Variants in KLRK1 observed in about 807,000 individuals in gnomAD.
KLRK1 encodes NKG2-D type II integral membrane protein.
Under a neutral mutation model 31.3 loss-of-function variants are expected in KLRK1, and 40 were observed. The ratio of observed to expected loss-of-function variants is 1.28; its 90% CI spans 0.99 to 1.67. The LOEUF (loss-of-function observed/expected upper bound fraction) is 1.67, where lower values mean the gene tolerates loss of function less well. Ranked by LOEUF, KLRK1 falls within the 40% of genes most tolerant of loss-of-function variation. KLRK1 has a pLI of 0.00. For synonymous variants in KLRK1, 77 were observed against 77.3 expected (o/e 1.00, Z 0.02); for missense variants, 251 against 260.0 (o/e 0.97, Z 0.24).
At chr12:10,389,024 C>A (rs1863223462) in intron 1 of KLRK1, 149 bp from the exon 2 acceptor site, 3 of 500,380 alleles carry the variant, frequency 6.0e-6, no homozygotes, top group Non-Finnish European at 1.1e-5. Context: ...TAAAGCCAGG[C>A]AAAATTAATT....
intron 5 of KLRK1, chr12:10,378,912 G>C: frequency 2.1e-6 from 1 of 475,472 alleles, no homozygotes; most frequent in Non-Finnish European, 3.4e-6. Context: ...CTAGCACTTT[G>C]GGAGGCCAAG....
chr12:10,373,441 C>CATCA (rs968352360), intron 7 of KLRK1, among the ~76,000 whole-genome samples: 2 of 152,124 alleles, frequency 1.3e-5, no homozygotes, highest in Non-Finnish European at 2.9e-5. Flanking sequence ...TTTTATCATA[C>CATCA]ATCAGAAACT....
chr12:10,380,152 A>G lies in KLRK1; in HGVS notation c.149-360T>C, dbSNP rs1255248884. Among the ~76,000 whole-genome samples the G allele has an allele frequency of 2.7e-4, 34 of 127,038 alleles. No homozygotes were observed. The South Asian group carries it at 6.4e-3, about 24-fold the overall frequency. The allele number at this position is 127,038 out of a possible 152,430, so 83.3% of individuals were successfully genotyped here. A position where few individuals can be genotyped will look rare whatever the true frequency, so the allele number is the denominator to read the frequency against. ...GCGATCTCGGCTCACTGCAAGCTCC[A>G]CCTCCTGGGTTCACGCCATTCTCCT... is the stretch of plus-strand genomic sequence containing the variant. On this transcript the variant is annotated intron_variant, in intron 3 of 7. Transcript: ENST00000240618.
intron 7 of KLRK1, among the ~76,000 whole-genome samples, chr12:10,375,597 A>ATAAAGAATTATAATATTTACAATCTAG (rs1862950067): frequency 6.6e-6 from 1 of 152,208 alleles, no homozygotes; most frequent in Non-Finnish European, 1.5e-5. Context: ...TCCCCTTGAA[A>ATAAAGAATTATAATATTTACAATCTAG]TAAAGAATTA....
At chr12:10,379,836 G>T in intron 3 of KLRK1, 44 bp from the exon 4 acceptor site, 2 of 1,534,478 alleles carry the variant, frequency 1.3e-6, no homozygotes, top group Non-Finnish European at 1.8e-6. Flanking sequence ...AAGCATAAAA[G>T]GTTTGGGTAT....
chr12:10,372,717 G>A lies in KLRK1; in HGVS notation c.*397C>T, dbSNP rs1254125032. 4.3e-6 allele frequency: 1 copy of A among 232,186 alleles called. No homozygotes were observed. The highest frequency in any genetic ancestry group is 8.3e-6 in the Non-Finnish European group (1 of 119,844). 14.4% of individuals were successfully genotyped at this position (232,186 alleles called of 1,614,324 possible). On this transcript the variant is annotated 3_prime_UTR_variant, in exon 8 of 8. Transcript: ENST00000240618. Reference sequence around the variant, plus strand: ...TGCCCATGCTGTGTCTCTCTGCTGTGGCCCTGCCCATGAGGCAATTTCCTG... The same window carrying A: ...TGCCCATGCTGTGTCTCTCTGCTGTAGCCCTGCCCATGAGGCAATTTCCTG...
At chr12:10,387,112 C>G (rs1018935406) in intron 2 of KLRK1, 102 bp from the exon 3 acceptor site, 1 of 735,958 alleles carries the variant, frequency 1.4e-6, no homozygotes, top group Non-Finnish European at 2.2e-6. Flanking sequence ...TGTACTTCCC[C>G]TGACTATCCT....
At position 10,386,996 on chromosome 12, in the gene KLRK1, G is replaced by C. The variant is rs769830158; in HGVS notation, c.55C>G (p.His19Asp). ...SRHSWEMSEF[H>D]NYNLDLKKSD... The stretch of plus-strand genomic sequence containing the variant: ...TTCTTCAGATCCAAGTTATAATTAT[G>C]AAATTCACTCATCTCTAGAGAAAAA... Residue 19 changes from histidine to aspartate, a missense_variant, in exon 3 of 8, where the codon CAT becomes GAT. Transcript: ENST00000240618. The C allele has an allele frequency of 6.2e-7, 1 of 1,610,088 alleles. No homozygotes were observed. The highest frequency in any genetic ancestry group is 8.5e-7 in the Non-Finnish European group (1 of 1,178,100).
chr12:10,386,812 G>A, intron 3 of KLRK1, 91 bp downstream of exon 3: 1 of 834,188 alleles, frequency 1.2e-6, no homozygotes, highest in Non-Finnish European at 1.7e-6. Flanking sequence ...TGAAGATAAA[G>A]TCAACTGAAT....
At chr12:10,377,137 G>A (rs1315722802) in intron 7 of KLRK1, among the ~76,000 whole-genome samples, 1 of 152,148 alleles carries the variant, frequency 6.6e-6, no homozygotes, top group East Asian at 1.9e-4. Flanking sequence ...TTAAGAGGCT[G>A]ATCAAAACAA....
rs375696662 is a variant in KLRK1 at position 10,388,782 on chromosome 12, C to T, written c.29G>A (p.Arg10Gln). 16 of 1,613,742 alleles carry T rather than the reference C, an allele frequency of 9.9e-6. No homozygotes were observed. The highest frequency in any genetic ancestry group is 5.5e-5 in the South Asian group (5 of 91,074). Reference sequence around the variant, plus strand: ...TGGTAAAAACATACCCCAGCTGTGTCGAGACCTCCGACCACGAATCCACCC... The same window carrying T: ...TGGTAAAAACATACCCCAGCTGTGTTGAGACCTCCGACCACGAATCCACCC... MGWIRGRRS[R>Q]HSWEMSEFHN... is the part of the protein sequence containing the mutation. The change falls in exon 2 of 8, where the codon CGA (arginine) becomes CAA (glutamine). Residue 10 changes from arginine (R) to glutamine (Q), a missense_variant. Transcript: ENST00000240618.
At chr12:10,377,781 TTTA>T (rs1384440635) in intron 7 of KLRK1, among the ~76,000 whole-genome samples, 1 of 152,230 alleles carries the variant, frequency 6.6e-6, no homozygotes, top group East Asian at 1.9e-4. Context: ...ATATGTGCAA[TTTA>T]TTATATGTTA....
intron 7 of KLRK1, among the ~76,000 whole-genome samples, chr12:10,377,295 C>T (rs1175917297): frequency 6.6e-6 from 1 of 152,032 alleles, no homozygotes; most frequent in Non-Finnish European, 1.5e-5. Context: ...TATGATTCAG[C>T]CATTTTGTTT....
intron 7 of KLRK1, among the ~76,000 whole-genome samples, chr12:10,377,839 T>C (rs1302252131): frequency 1.3e-5 from 2 of 152,244 alleles, no homozygotes; most frequent in Non-Finnish European, 1.5e-5. Flanking sequence ...AAGAAATGTA[T>C]GTAATATTTA....
intron 3 of KLRK1, among the ~76,000 whole-genome samples, chr12:10,381,363 C>A (rs1863071737): frequency 6.6e-6 from 1 of 152,056 alleles, no homozygotes; most frequent in Admixed American, 6.5e-5. Context: ...TGAGGGAATT[C>A]ATCACCACTA....
intron 7 of KLRK1, among the ~76,000 whole-genome samples, chr12:10,374,400 T>G (rs1448911350): frequency 1.4e-5 from 2 of 147,180 alleles, no homozygotes; most frequent in Admixed American, 1.3e-4. Context: ...TCTCTCTCTT[T>G]TTTTTTTTTT....
Position 10,379,563 on chromosome 12 carries a change from G to T in KLRK1, c.242-81C>A, listed in dbSNP as rs534769105. On this transcript the variant is annotated intron_variant, in intron 4 of 7. Transcript: ENST00000240618. ...AGCAAATATAGTTTACAAATTTCTGGACTAATAGCAAAAATGTGACAAAGA... is the reference window on the plus strand; with the variant it reads ...AGCAAATATAGTTTACAAATTTCTGTACTAATAGCAAAAATGTGACAAAGA... 160 of 1,297,258 alleles carry T rather than the reference G, an allele frequency of 1.2e-4. 1 individual carries two copies. In the South Asian group the frequency reaches 2.5e-3, roughly 20 times the overall value. 80.4% of individuals were successfully genotyped at this position (1,297,258 alleles called of 1,614,324 possible).
chr12:10,386,380 G>C (rs1035318615), intron 3 of KLRK1, among the ~76,000 whole-genome samples: 5 of 151,852 alleles, frequency 3.3e-5, no homozygotes, highest in Non-Finnish European at 5.9e-5. Flanking sequence ...TTAATAATTT[G>C]TTTCTTAGTT....
intron 5 of KLRK1, 185 bp from the exon 6 acceptor site, chr12:10,378,890 A>C: frequency 3.0e-5 from 19 of 640,918 alleles, no homozygotes; most frequent in Non-Finnish European, 4.3e-5. Context: ...GTGGTGTCTC[A>C]TGCCTGTAAT....
Sources: allele counts gnomAD v4.1 joint callset (sites outside exome capture counted in the v4.1 genomes callset), GRCh38; gene constraint gnomAD v4.1.1; transcripts MANE v1.5; gene names NCBI Gene and HGNC (gene_info 2026-07-23, HGNC 2026-07-21).